The following FGFR2 variants were observed in gnomAD, a reference collection of about 807,000 sequenced individuals.
FGFR2 encodes the protein BEK fibroblast growth factor receptor.
A neutral mutation model predicts 95.9 loss-of-function variants in FGFR2; 19 were observed. The ratio of observed to expected loss-of-function variants is 0.20; its 90% confidence interval spans 0.14 to 0.29. FGFR2 has a LOEUF of 0.29. Ranked by LOEUF, FGFR2 falls within the 10% of genes least tolerant of loss-of-function variation. FGFR2 has a pLI of 1.00. For missense variants in FGFR2, 707 were observed against 1,056.9 expected, an observed-to-expected ratio of 0.67 and a Z score of 4.59; for synonymous variants, 392 against 393.3, an observed-to-expected ratio of 1.00 and a Z score of 0.04.
chr10:121,580,078 T>A (rs1256474248), intron 2 of FGFR2, among the ~76,000 whole-genome samples: 2 of 152,130 alleles, frequency 1.3e-5, no homozygotes, highest in East Asian at 3.9e-4. Context: ...CCGTTTGACA[T>A]TTTCCCCCAA....
In FGFR2 at chr10:121,551,396, T is replaced by C. The variant is rs1477520217; in HGVS notation, c.518A>G (p.Asn173Ser). The change falls in exon 5 of 18, where the codon AAC becomes AGC. Residue 173 changes from asparagine (N) to serine (S), a missense_variant. Asn to Ser is a conservative substitution (Grantham distance 46). This residue lies in a region of FGFR2 where 139 missense variants were observed against 278.1 expected (regional missense o/e 0.50). Transcript: ENST00000358487. ...GGCTGGGCAGCGAAACTTGACAGTG[T>C]TGGCCGCAGGCACAGCATGGAGCCG... ...EKRLHAVPAA[N>S]TVKFRCPAGG... 9 of 1,614,202 alleles carry C rather than the reference T, an allele frequency of 5.6e-6. No homozygotes were observed. Among genetic ancestry groups the C allele is most frequent in the Non-Finnish European group, 5.9e-6 (7 of 1,180,040 alleles).
At chr10:121,513,458 G>GA (rs1180988749) in intron 9 of FGFR2, among the ~76,000 whole-genome samples, 2 of 152,100 alleles carry the variant, frequency 1.3e-5, no homozygotes, top group East Asian at 3.9e-4. Flanking sequence ...TAAGTAAAAA[G>GA]AAAAGCATTT....
chr10:121,528,544 T>A (rs1851683223), intron 6 of FGFR2, among the ~76,000 whole-genome samples: 1 of 152,186 alleles, frequency 6.6e-6, no homozygotes, highest in Non-Finnish European at 1.5e-5. Flanking sequence ...TGCTCATCTC[T>A]CTCACATGCC....
chr10:121,496,756 G>A (rs755211189), intron 12 of FGFR2, 34 bp from the exon 13 acceptor site: 1 of 1,591,360 alleles, frequency 6.3e-7, no homozygotes, highest in Admixed American at 1.7e-5. Flanking sequence ...CCTAAAGAGA[G>A]AATCCAGGGT....
intron 13 of FGFR2, among the ~76,000 whole-genome samples, chr10:121,493,196 C>T (rs927870483): frequency 1.3e-5 from 2 of 152,182 alleles, no homozygotes; most frequent in Non-Finnish European, 2.9e-5. Context: ...TGCTCTGCCA[C>T]GGTGCCTGGA....
At chr10:121,538,519 C>T (rs746970201) in intron 6 of FGFR2, 73 bp downstream of exon 6, 14 of 1,601,788 alleles carry the variant, frequency 8.7e-6, no homozygotes, top group South Asian at 3.3e-5. Context: ...CAGGACTTAA[C>T]GTTCATGCTT....
intron 6 of FGFR2, among the ~76,000 whole-genome samples, chr10:121,520,624 A>T (rs1268443831): frequency 6.6e-6 from 1 of 152,154 alleles, no homozygotes; most frequent in Non-Finnish European, 1.5e-5. Context: ...TGGTTTCAAT[A>T]GGCACATGTC....
At chr10:121,558,048 T>C (rs955920938) in intron 4 of FGFR2, among the ~76,000 whole-genome samples, 6 of 152,202 alleles carry the variant, frequency 3.9e-5, no homozygotes, top group Admixed American at 2.0e-4. Context: ...TCCCTCGAGT[T>C]AAGCAATGGA....
intron 4 of FGFR2, among the ~76,000 whole-genome samples, chr10:121,553,597 C>A (rs1657451896): frequency 6.6e-6 from 1 of 152,212 alleles, no homozygotes; most frequent in African/African-American, 2.4e-5. Context: ...GAAAAGCATA[C>A]CTCATGCTGT....
chr10:121,568,745 T>C (rs1043474371), intron 2 of FGFR2, among the ~76,000 whole-genome samples: 12 of 152,228 alleles, frequency 7.9e-5, no homozygotes, highest in African/African-American at 2.7e-4. Flanking sequence ...AGTGTTTTCA[T>C]TGAGAATCCT....
chr10:121,498,464 T>C (rs374176363), intron 12 of FGFR2, 31 bp downstream of exon 12: 3 of 1,352,612 alleles, frequency 2.2e-6, no homozygotes, highest in Middle Eastern at 3.6e-4. Flanking sequence ...TGCAGAGTAT[T>C]TGGGCGAATG....
rs2134016791 is a variant in FGFR2, at chr10:121,501,056, G to A, written c.1440-109C>T. The A allele has an allele frequency of 2.7e-6, 4 of 1,482,550 alleles. No homozygotes were observed. The African/African-American group carries it at 4.1e-5, about 15-fold the overall frequency. The allele number at this position is 1,482,550 out of a possible 1,614,324, so 91.8% of individuals were successfully genotyped here. A position where few individuals can be genotyped will look rare whatever the true frequency, so the allele number is the denominator to read the frequency against. On this transcript the variant is annotated intron_variant, in intron 10 of 17. Transcript: ENST00000358487. Reference sequence around the variant, plus strand: ...TTTCAGCGGCTTACTAAAGCATGGAGTGCTTATCATATGGAACTAATGAGA... The same window carrying A: ...TTTCAGCGGCTTACTAAAGCATGGAATGCTTATCATATGGAACTAATGAGA...
chr10:121,512,844 G>GA (rs1156626275), intron 9 of FGFR2, among the ~76,000 whole-genome samples: 1 of 152,104 alleles, frequency 6.6e-6, no homozygotes, highest in Admixed American at 6.6e-5. Context: ...GGGAAGAGAG[G>GA]AAAAAGGACC....
At chr10:121,519,854 C>T (rs1417756218) in intron 7 of FGFR2, 125 bp downstream of exon 7, 1 of 862,128 alleles carries the variant, frequency 1.2e-6, no homozygotes, top group Non-Finnish European at 1.9e-6. Context: ...TTAGAACACT[C>T]TCTGCTGGCT....
Position 121,551,409 on chromosome 10 carries a change from C to G in FGFR2, c.505G>C (p.Val169Leu), listed in dbSNP as rs2134838919. 6.2e-7 allele frequency: 1 copy of G among 1,614,152 alleles called. No individual in the cohort carries two copies. Among genetic ancestry groups the G allele is most frequent in the Admixed American group, 1.7e-5 (1 of 60,028 alleles). ...AACTTGACAGTGTTGGCCGCAGGCA[C>G]AGCATGGAGCCGCTTTTCCATCTTT... ...TEKMEKRLHA[V>L]PAANTVKFRC... The change falls in exon 5 of 18, where the codon GTG (valine) becomes CTG (leucine). Residue 169 changes from valine to leucine, a missense_variant. Val to Leu is a conservative substitution (Grantham distance 32). Transcript: ENST00000358487.
intron 12 of FGFR2, 49 bp downstream of exon 12, chr10:121,498,446 A>G: frequency 1.6e-6 from 2 of 1,212,334 alleles, no homozygotes; most frequent in Non-Finnish European, 2.5e-6. Context: ...AAAATGATTC[A>G]ATCAAACTGC....
At chr10:121,572,082 G>A (rs1590042023) in intron 2 of FGFR2, among the ~76,000 whole-genome samples, 1 of 149,284 alleles carries the variant, frequency 6.7e-6, no homozygotes, top group African/African-American at 2.5e-5. Flanking sequence ...GGGAGGTCGA[G>A]GTGGGAGAAT....
Position 121,593,919 on chromosome 10 carries a change from G to A in FGFR2, c.-102C>T. The A allele has an allele frequency of 1.8e-6, 2 of 1,087,418 alleles. No individual in the cohort carries two copies. Among genetic ancestry groups the A allele is most frequent in the South Asian group, 2.5e-5 (2 of 78,460 alleles). The allele number at this position is 1,087,418 out of a possible 1,614,324, so 67.4% of individuals were successfully genotyped here. The stretch of plus-strand genomic sequence containing the variant: ...GCATGGACTACGCGCAATGCCTTCA[G>A]CCTGCGGTGGGCTCAGGAACCGAGG... On this transcript the variant is annotated 5_prime_UTR_variant, in exon 2 of 18. Coordinates refer to ENST00000358487, the MANE Select transcript of FGFR2 (RefSeq NM_000141.5).
At chr10:121,505,607 C>T (rs774589614) in intron 9 of FGFR2, among the ~76,000 whole-genome samples, 1 of 152,148 alleles carries the variant, frequency 6.6e-6, no homozygotes, top group Non-Finnish European at 1.5e-5. Flanking sequence ...TGTGGGTGCT[C>T]CTGGGGAATC....
Sources: gnomAD v4.1 joint callset for allele counts (sites outside exome capture counted in the v4.1 genomes callset) on GRCh38, gnomAD v4.1.1 for gene constraint, gnomAD v4.1.1 regional missense constraint, MANE v1.5 for transcripts, NCBI Gene and HGNC (gene_info 2026-07-23, HGNC 2026-07-21) for gene names.